SLC25A26: variants seen among roughly 807,000 people sequenced by gnomAD.
SLC25A26 encodes the protein solute carrier family 25 member 26, also known as mitochondrial S-adenosylmethionine carrier protein.
A neutral mutation model predicts 37.8 loss-of-function variants in SLC25A26; 36 were observed. The observed-to-expected ratio is 0.95, with a 90% confidence interval of 0.73 to 1.26. The LOEUF is 1.26. SLC25A26 is among the 50% of genes most tolerant of loss of function. The probability of loss-of-function intolerance (pLI) is 0.00; values close to 1 mark genes in which losing one functional copy is unlikely to be tolerated. For missense variants in SLC25A26, 390 were observed against 331.1 expected, an observed-to-expected ratio of 1.18 and a Z score of -1.38; for synonymous variants, 129 against 122.5, an observed-to-expected ratio of 1.05 and a Z score of -0.35.
intron 6 of SLC25A26, among the ~76,000 whole-genome samples, chr3:66,359,349 A>G (rs151028440): frequency 3.6e-4 from 55 of 152,270 alleles, no homozygotes; most frequent in Non-Finnish European, 1.0e-4. Context: ...TCTTTTCTTG[A>G]CTACAATACC....
intron 5 of SLC25A26, among the ~76,000 whole-genome samples, chr3:66,277,289 T>G (rs1055775700): frequency 2.6e-5 from 4 of 152,140 alleles, no homozygotes; most frequent in African/African-American, 9.7e-5. Flanking sequence ...TACGTCACTA[T>G]GCATCTCTAA....
At chr3:66,307,835 C>T (rs1342102057) in intron 5 of SLC25A26, among the ~76,000 whole-genome samples, 1 of 152,038 alleles carries the variant, frequency 6.6e-6, no homozygotes, top group East Asian at 1.9e-4. Context: ...TTTCTGAGGC[C>T]TCTGTTCTGT....
chr3:66,309,580 C>T (rs560577836), intron 5 of SLC25A26, among the ~76,000 whole-genome samples: 82 of 152,172 alleles, frequency 5.4e-4, no homozygotes, highest in East Asian at 2.3e-3. Context: ...TTCTCTAGTT[C>T]TTTTAATTGT....
At chr3:66,332,869 A>C (rs2076009527) in intron 5 of SLC25A26, among the ~76,000 whole-genome samples, 1 of 152,168 alleles carries the variant, frequency 6.6e-6, no homozygotes, top group South Asian at 2.1e-4. Flanking sequence ...TTGTCCCTCA[A>C]TCAGAGATCT....
intron 1 of SLC25A26, among the ~76,000 whole-genome samples, chr3:66,174,756 A>C (rs2070551689): frequency 6.6e-6 from 1 of 151,778 alleles, no homozygotes; most frequent in Non-Finnish European, 1.5e-5. Flanking sequence ...ACTGCACTCC[A>C]GCCTGGGCTA....
intron 1 of SLC25A26, among the ~76,000 whole-genome samples, chr3:66,142,103 C>T (rs905594790): frequency 1.3e-5 from 2 of 152,154 alleles, no homozygotes; most frequent in African/African-American, 4.8e-5. Flanking sequence ...TTCATCACTC[C>T]AAAATTAAAC....
rs7618734 is a variant in SLC25A26, at chr3:66,310,866, T to G, written c.454-35498T>G. Reference sequence around the variant, plus strand: ...GCGTTTCTACAGAGAGATCTGCTGTTAGTCTGATGGGCTTCACCTTGTAGG... The same window carrying G: ...GCGTTTCTACAGAGAGATCTGCTGTGAGTCTGATGGGCTTCACCTTGTAGG... On this transcript the variant is annotated intron_variant, in intron 5 of 9. Coordinates refer to ENST00000354883, the MANE Select transcript of SLC25A26 (RefSeq NM_001379210.1). 6.6e-3 allele frequency among the ~76,000 whole-genome samples: 1,002 copies of G among 152,338 alleles called. 9 individuals carry two copies. Among genetic ancestry groups the G allele is most frequent in the African/African-American group, 0.022 (909 of 41,554 alleles).
At chr3:66,211,206 C>T (rs1403466845) in intron 1 of SLC25A26, among the ~76,000 whole-genome samples, 1 of 152,128 alleles carries the variant, frequency 6.6e-6, no homozygotes, top group Non-Finnish European at 1.5e-5. Flanking sequence ...TATTGATGTT[C>T]GACCTGTAGC....
intron 3 of SLC25A26, among the ~76,000 whole-genome samples, chr3:66,246,930 C>T (rs1033310747): frequency 6.6e-6 from 1 of 152,214 alleles, no homozygotes; most frequent in South Asian, 2.1e-4. Context: ...GGCGCGATCT[C>T]GGCTCACTGC....
At chr3:66,227,215 G>A (rs1273529995) in intron 1 of SLC25A26, among the ~76,000 whole-genome samples, 1 of 152,068 alleles carries the variant, frequency 6.6e-6, no homozygotes, top group African/African-American at 2.4e-5. Context: ...TGTTAAATTT[G>A]CTCTCACTTA....
intron 1 of SLC25A26, among the ~76,000 whole-genome samples, chr3:66,183,089 G>A (rs2070747940): frequency 6.6e-6 from 1 of 152,114 alleles, no homozygotes; most frequent in African/African-American, 2.4e-5. Flanking sequence ...TACCCAAAAA[G>A]TGTTGGTGAC....
rs150853961 is a variant in SLC25A26, at chr3:66,373,196, C to G, written c.707+2594C>G. 5.9e-5 allele frequency among the ~76,000 whole-genome samples: 9 copies of G among 152,270 alleles called. No homozygotes were observed. In the East Asian group the frequency reaches 1.7e-3, roughly 29 times the overall value. The stretch of plus-strand genomic sequence containing the variant: ...GTTGACTGTGCCCTTTATGTAGTAG[C>G]TGCCACTGCCGCGAGCATCCCTTTC... On this transcript the variant is annotated intron_variant, in intron 9 of 9. Coordinates refer to ENST00000354883, the MANE Select transcript of SLC25A26 (RefSeq NM_001379210.1).
chr3:66,178,421 G>A (rs1359726954), intron 1 of SLC25A26, among the ~76,000 whole-genome samples: 3 of 152,268 alleles, frequency 2.0e-5, no homozygotes, highest in South Asian at 2.1e-4. Flanking sequence ...CTGGGGCAGC[G>A]TTTCTGGGCA....
intron 1 of SLC25A26, among the ~76,000 whole-genome samples, chr3:66,158,366 T>A (rs904921238): frequency 1.3e-5 from 2 of 152,200 alleles, no homozygotes; most frequent in African/African-American, 4.8e-5. Flanking sequence ...TGATGGAAAT[T>A]TGGGTTCTTT....
chr3:66,294,426 A>C (rs545892539), intron 5 of SLC25A26, among the ~76,000 whole-genome samples: 1 of 152,100 alleles, frequency 6.6e-6, no homozygotes, highest in East Asian at 1.9e-4. Flanking sequence ...GGCCGGGACT[A>C]TGGGGTTTTC....
At position 66,141,676 on chromosome 3, in the gene SLC25A26, C is replaced by A. The variant is rs562209012; in HGVS notation, c.-354+7692C>A. ...TACAGGCATATGCCACCACACCCAG[C>A]TGATTTTTGTATTTTTTATTAGAGA... On this transcript the variant is annotated intron_variant, in intron 1 of 10. Coordinates refer to the SLC25A26 transcript ENST00000676754. Among the ~76,000 whole-genome samples, 75 of 152,186 alleles carry A rather than the reference C, an allele frequency of 4.9e-4. No homozygotes were observed. In the South Asian group the frequency reaches 0.015, roughly 31 times the overall value.
chr3:66,209,841 TAG>T (rs1166815747), intron 1 of SLC25A26, among the ~76,000 whole-genome samples: 2 of 125,476 alleles, frequency 1.6e-5, no homozygotes, highest in South Asian at 2.5e-4. Context: ...ACCTTATATA[TAG>T]AGAGAGGTGT....
chr3:66,309,369 C>A (rs967179348), intron 5 of SLC25A26, among the ~76,000 whole-genome samples: 6 of 152,106 alleles, frequency 3.9e-5, no homozygotes, highest in African/African-American at 1.4e-4. Flanking sequence ...TCCACTTTAT[C>A]ATTTTTTATT....
intron 6 of SLC25A26, among the ~76,000 whole-genome samples, chr3:66,359,507 T>C (rs887392729): frequency 2.6e-5 from 4 of 152,190 alleles, no homozygotes; most frequent in Admixed American, 6.5e-5. Context: ...CCTTCTACTC[T>C]TTGGAACATT....
Sources: allele counts gnomAD v4.1 joint callset (sites outside exome capture counted in the v4.1 genomes callset), GRCh38; gene constraint gnomAD v4.1.1; transcripts MANE v1.5; gene names NCBI Gene and HGNC (gene_info 2026-07-23, HGNC 2026-07-21).